Variants in MACROD2 observed in about 807,000 individuals in gnomAD.
The protein encoded by MACROD2 is ADP-ribose glycohydrolase MACROD2.
In MACROD2, 36 loss-of-function variants were observed where a neutral mutation model predicts 70.4. The ratio of observed to expected loss-of-function variants is 0.51; its 90% confidence interval spans 0.39 to 0.68. The LOEUF is 0.68. Ranked by LOEUF, MACROD2 falls within the 30% of genes least tolerant of loss-of-function variation. The probability of loss-of-function intolerance (pLI) is 0.00; values close to 1 mark genes in which losing one functional copy is unlikely to be tolerated. For synonymous variants in MACROD2, 172 were observed against 178.8 expected (o/e 0.96, Z 0.30); for missense variants, 496 against 538.4 (o/e 0.92, Z 0.78).
chr20:15,133,383 CAA>C (rs1302523199), intron 5 of MACROD2, among the ~76,000 whole-genome samples: 7 of 151,840 alleles, frequency 4.6e-5, no homozygotes, highest in African/African-American at 1.7e-4. Flanking sequence ...CATTTGTAAA[CAA>C]AGAAAAATCA....
intron 3 of MACROD2, among the ~76,000 whole-genome samples, chr20:14,440,730 T>C (rs1207733690): frequency 6.6e-6 from 1 of 152,206 alleles, no homozygotes; most frequent in Non-Finnish European, 1.5e-5. Context: ...GCTGAATTTA[T>C]GGCAGTTATT....
chr20:15,049,495 ATTAT>A (rs2075422225), intron 5 of MACROD2, among the ~76,000 whole-genome samples: 1 of 152,150 alleles, frequency 6.6e-6, no homozygotes, highest in Non-Finnish European at 1.5e-5. Context: ...TATGATTTTG[ATTAT>A]TTAAAGTGAG....
intron 3 of MACROD2, among the ~76,000 whole-genome samples, chr20:14,288,062 C>T (rs2082358648): frequency 6.6e-6 from 1 of 151,952 alleles, no homozygotes. Flanking sequence ...AAGGATTATA[C>T]AAGGTGTGAC....
At chr20:15,189,990 G>GA (rs1340499064) in intron 5 of MACROD2, among the ~76,000 whole-genome samples, 2 of 152,136 alleles carry the variant, frequency 1.3e-5, no homozygotes, top group African/African-American at 4.8e-5. Flanking sequence ...GGCCTGAGAT[G>GA]AAAAATGGCC....
intron 8 of MACROD2, among the ~76,000 whole-genome samples, chr20:15,554,125 T>A (rs531097116): frequency 9.9e-5 from 15 of 152,158 alleles, no homozygotes; most frequent in African/African-American, 3.6e-4. Flanking sequence ...TGGAAAGAGA[T>A]GTAGGAGTTA....
intron 5 of MACROD2, among the ~76,000 whole-genome samples, chr20:15,038,491 C>T (rs770518519): frequency 1.1e-4 from 16 of 152,100 alleles, no homozygotes; most frequent in Non-Finnish European, 2.1e-4. Context: ...TGTTTCTGGC[C>T]CCTGTTATTG....
intron 5 of MACROD2, among the ~76,000 whole-genome samples, chr20:15,206,721 GTTTTTT>G (rs56752104): frequency 2.4e-3 from 79 of 32,998 alleles, no homozygotes; most frequent in Non-Finnish European, 3.2e-3. Flanking sequence ...TATTATCTAT[GTTTTTT>G]TTTTTTTTTT....
At chr20:15,548,216 C>G (rs978815738) in intron 8 of MACROD2, among the ~76,000 whole-genome samples, 10 of 152,124 alleles carry the variant, frequency 6.6e-5, no homozygotes, top group Admixed American at 6.5e-4. Flanking sequence ...CTAGCCTTTT[C>G]TGATTTATCT....
At chr20:14,138,068 G>A (rs1168667665) in intron 3 of MACROD2, among the ~76,000 whole-genome samples, 1 of 152,140 alleles carries the variant, frequency 6.6e-6, no homozygotes, top group Non-Finnish European at 1.5e-5. Flanking sequence ...CTGCATACCT[G>A]TTAGAATGGC....
intron 3 of MACROD2, among the ~76,000 whole-genome samples, chr20:14,201,661 G>C (rs1224155000): frequency 6.6e-6 from 1 of 152,006 alleles, no homozygotes; most frequent in Non-Finnish European, 1.5e-5. Context: ...CCAAGATGGT[G>C]AAACTCCGTC....
intron 3 of MACROD2, among the ~76,000 whole-genome samples, chr20:14,310,615 C>CT (rs545985025): frequency 1.1e-4 from 16 of 151,926 alleles, no homozygotes; most frequent in Non-Finnish European, 2.2e-4. Context: ...ATTTACTATA[C>CT]TTTTTTTTAT....
intron 5 of MACROD2, among the ~76,000 whole-genome samples, chr20:15,145,206 A>G (rs1004618068): frequency 6.6e-6 from 1 of 152,170 alleles, no homozygotes; most frequent in African/African-American, 2.4e-5. Flanking sequence ...TTGGTGGTCA[A>G]CGCTATGCTT....
intron 8 of MACROD2, among the ~76,000 whole-genome samples, chr20:15,602,447 G>A (rs981372331): frequency 1.6e-4 from 24 of 151,054 alleles, no homozygotes; most frequent in African/African-American, 4.9e-4. Context: ...TCTCAAGAGC[G>A]CTTCCTCATT....
At chr20:15,540,126 G>T (rs990948666) in intron 8 of MACROD2, among the ~76,000 whole-genome samples, 4 of 152,226 alleles carry the variant, frequency 2.6e-5, no homozygotes, top group African/African-American at 7.2e-5. Context: ...GGATGACAGA[G>T]ACCATGGTTG....
At chr20:15,767,439 G>A (rs1600861022) in intron 8 of MACROD2, among the ~76,000 whole-genome samples, 2 of 152,332 alleles carry the variant, frequency 1.3e-5, no homozygotes, top group East Asian at 3.9e-4. Context: ...TTTCTAGAGA[G>A]AAGGACTGCT....
At chr20:14,810,991 A>G (rs2072703566) in intron 5 of MACROD2, among the ~76,000 whole-genome samples, 1 of 152,166 alleles carries the variant, frequency 6.6e-6, no homozygotes, top group African/African-American at 2.4e-5. Flanking sequence ...AAGAATCAAT[A>G]TCATGAAAAT....
chr20:14,855,340 T>TA (rs1249056051), intron 5 of MACROD2, among the ~76,000 whole-genome samples: 1 of 152,078 alleles, frequency 6.6e-6, no homozygotes, highest in Admixed American at 6.5e-5. Flanking sequence ...ATTTGCTAAT[T>TA]AAAAAAATAT....
chr20:15,678,227 G>A (rs934283713), intron 8 of MACROD2, among the ~76,000 whole-genome samples: 8 of 152,150 alleles, frequency 5.3e-5, no homozygotes, highest in Non-Finnish European at 1.0e-4. Context: ...TAAGCTGGGT[G>A]CAGTGGCTCA....
chr20:15,027,166 AC>A (rs1255851411), intron 5 of MACROD2, among the ~76,000 whole-genome samples: 1 of 152,150 alleles, frequency 6.6e-6, no homozygotes, highest in Non-Finnish European at 1.5e-5. Context: ...AAAGACCTTT[AC>A]TTTCATCTTT....
Sources: gnomAD v4.1 joint callset for allele counts (sites outside exome capture counted in the v4.1 genomes callset) on GRCh38, gnomAD v4.1.1 for gene constraint, MANE v1.5 for transcripts, NCBI Gene and HGNC (gene_info 2026-07-23, HGNC 2026-07-21) for gene names.